ITSN1: variants seen among roughly 807,000 people sequenced by gnomAD.
The protein encoded by ITSN1 is intersectin-1.
ITSN1 carries 58 observed loss-of-function variants against 239.8 expected under a neutral mutation model. The observed-to-expected ratio is 0.24, with a 90% CI of 0.20 to 0.30. The LOEUF (loss-of-function observed/expected upper bound fraction) is 0.30, where lower values mean the gene tolerates loss of function less well. Ranked by LOEUF, ITSN1 falls within the 10% of genes least tolerant of loss-of-function variation. ITSN1 has a pLI of 1.00. For synonymous variants in ITSN1, 780 were observed against 770.8 expected, an observed-to-expected ratio of 1.01 and a Z score of -0.20; for missense variants, 1,558 against 2,103.3, an observed-to-expected ratio of 0.74 and a Z score of 5.07.
At chr21:33,765,690 G>A (rs2068671675) in intron 9 of ITSN1, among the ~76,000 whole-genome samples, 185 bp from the exon 10 acceptor site, 1 of 152,152 alleles carries the variant, frequency 6.6e-6, no homozygotes, top group African/African-American at 2.4e-5. Context: ...GAGGAACACT[G>A]TCCCAACTAC....
rs554942427 is a variant in ITSN1, at chr21:33,703,613, A to G, written c.-32-15184A>G. On this transcript the variant is annotated intron_variant, in intron 1 of 39. Coordinates refer to ENST00000381318, the MANE Select transcript of ITSN1 (RefSeq NM_003024.3). ...CATGCATTTTGTGTAAAGTGTGGCA[A>G]AGAAGGAAACAATTGTACTTTCACT... Among the ~76,000 whole-genome samples the G allele has an allele frequency of 3.3e-5, 5 of 152,366 alleles. No homozygotes were observed. The South Asian group carries it at 8.3e-4, about 25-fold the overall frequency.
At chr21:33,724,135 TGAAAC>T (rs2065675068) in intron 4 of ITSN1, among the ~76,000 whole-genome samples, 1 of 151,990 alleles carries the variant, frequency 6.6e-6, no homozygotes, top group Admixed American at 6.6e-5. Flanking sequence ...ATATTTGAAT[TGAAAC>T]GAAATGATAC....
intron 20 of ITSN1, among the ~76,000 whole-genome samples, chr21:33,807,741 G>T (rs2072567940): frequency 6.6e-6 from 1 of 152,204 alleles, no homozygotes; most frequent in Admixed American, 6.5e-5. Flanking sequence ...AGACGAGTAG[G>T]AGTTCCCGTC....
chr21:33,827,660 A>T (rs1264916279), intron 26 of ITSN1, among the ~76,000 whole-genome samples: 1 of 152,242 alleles, frequency 6.6e-6, no homozygotes. Flanking sequence ...ACAAAATTGT[A>T]GTCATGCCTC....
chr21:33,886,161 G>A (rs1304704662), intron 38 of ITSN1, 126 bp from the exon 39 acceptor site: 3 of 727,512 alleles, frequency 4.1e-6, no homozygotes, highest in Non-Finnish European at 6.7e-6. Flanking sequence ...GCAATGAGCT[G>A]AGATCATACC....
intron 1 of ITSN1, among the ~76,000 whole-genome samples, chr21:33,697,784 C>G (rs956022111): frequency 6.6e-6 from 1 of 151,998 alleles, no homozygotes; most frequent in Non-Finnish European, 1.5e-5. Flanking sequence ...CTTGATGACC[C>G]ACTGGAAAAT....
chr21:33,671,146 TAAATA>T (rs2090249716), intron 1 of ITSN1, among the ~76,000 whole-genome samples: 1 of 152,190 alleles, frequency 6.6e-6, no homozygotes, highest in Non-Finnish European at 1.5e-5. Context: ...CACAACCTGT[TAAATA>T]AATGCCAGTG....
intron 25 of ITSN1, among the ~76,000 whole-genome samples, chr21:33,824,272 T>C (rs528896377): frequency 1.3e-5 from 2 of 152,278 alleles, no homozygotes; most frequent in Non-Finnish European, 1.5e-5. Flanking sequence ...TCACATAAAC[T>C]GTGGTCTTAA....
At chr21:33,805,040 A>G (rs2072304531) in intron 20 of ITSN1, among the ~76,000 whole-genome samples, 1 of 152,182 alleles carries the variant, frequency 6.6e-6, no homozygotes, top group Admixed American at 6.5e-5. Context: ...GGGAGCTTCC[A>G]AAAAATAACC....
chr21:33,869,563 C>CTT (rs1365779458), intron 33 of ITSN1, among the ~76,000 whole-genome samples: 3 of 152,326 alleles, frequency 2.0e-5, no homozygotes, highest in Admixed American at 6.5e-5. Context: ...TCTCCTGTCA[C>CTT]TTTGAGAAAG....
rs970864994 is a variant in ITSN1 at position 33,836,755 on chromosome 21, C to A, written c.3661+123C>A. On this transcript the variant is annotated intron_variant, in intron 29 of 39. Transcript: ENST00000381318. ...TAAAGCTAGACCATTGCTGCATTCG[C>A]AGTCGTCTCTTTGAAGACCTTCTGT... 17 of 845,156 alleles carry A rather than the reference C, an allele frequency of 2.0e-5. No homozygotes were observed. The South Asian group carries it at 3.0e-4, about 15-fold the overall frequency. The allele number at this position is 845,156 out of a possible 1,614,324, so 52.4% of individuals were successfully genotyped here.
intron 20 of ITSN1, 139 bp from the exon 21 acceptor site, chr21:33,810,836 C>T (rs1409269808): frequency 2.1e-6 from 2 of 973,216 alleles, no homozygotes; most frequent in Non-Finnish European, 3.3e-6. Flanking sequence ...TTTTCCCAGA[C>T]ACTTGGACTA....
At chr21:33,658,563 A>C (rs1353739973) in intron 1 of ITSN1, among the ~76,000 whole-genome samples, 1 of 152,218 alleles carries the variant, frequency 6.6e-6, no homozygotes, top group Admixed American at 6.5e-5. Context: ...ATGCTGTTAC[A>C]ATCTTACGGG....
intron 29 of ITSN1, among the ~76,000 whole-genome samples, chr21:33,850,604 C>T (rs1569300780): frequency 6.6e-6 from 1 of 152,232 alleles, no homozygotes; most frequent in Non-Finnish European, 1.5e-5. Context: ...CTGCCTCCTT[C>T]TCACTGAACC....
At chr21:33,685,069 T>C (rs2091171852) in intron 1 of ITSN1, among the ~76,000 whole-genome samples, 1 of 152,132 alleles carries the variant, frequency 6.6e-6, no homozygotes, top group African/African-American at 2.4e-5. Flanking sequence ...CACCCTCCAC[T>C]CCAGATTATT....
At chr21:33,861,924 C>T (rs377338314) in intron 31 of ITSN1, among the ~76,000 whole-genome samples, 1,317 of 125,614 alleles carry the variant, frequency 0.01, 19 homozygotes, top group African/African-American at 0.034. Flanking sequence ...CCAGCCTGGG[C>T]GACAGAGTGA....
intron 1 of ITSN1, among the ~76,000 whole-genome samples, chr21:33,648,978 C>G (rs1313475761): frequency 6.6e-6 from 1 of 152,214 alleles, no homozygotes; most frequent in Non-Finnish European, 1.5e-5. Flanking sequence ...TTATCCTTTA[C>G]TCTGTAGTGG....
At chr21:33,883,055 G>A (rs957362998) in intron 35 of ITSN1, among the ~76,000 whole-genome samples, 2 of 152,100 alleles carry the variant, frequency 1.3e-5, no homozygotes, top group African/African-American at 4.8e-5. Context: ...GCAGCAGTTA[G>A]CTTTATTATG....
intron 22 of ITSN1, chr21:33,817,411 A>G (rs2073358789): frequency 1.5e-6 from 2 of 1,304,284 alleles, no homozygotes; most frequent in Admixed American, 2.3e-5. Context: ...TTCAAGGCCC[A>G]TCTCAGATGC....
Sources: allele counts gnomAD v4.1 joint callset (sites outside exome capture counted in the v4.1 genomes callset), GRCh38; gene constraint gnomAD v4.1.1; transcripts MANE v1.5; gene names NCBI Gene and HGNC (gene_info 2026-07-23, HGNC 2026-07-21).